SPPL2A: variants seen among roughly 807,000 people sequenced by gnomAD.
SPPL2A encodes the protein signal peptide peptidase-like 2A.
A neutral mutation model predicts 63.8 loss-of-function variants in SPPL2A; 51 were observed. The observed-to-expected ratio is 0.80, with a 90% CI of 0.64 to 1.01. The LOEUF is 1.01. SPPL2A is among the 50% of genes least tolerant of loss of function. SPPL2A has a pLI of 0.00. For synonymous variants in SPPL2A, 188 were observed against 205.8 expected, an observed-to-expected ratio of 0.91 and a Z score of 0.74; for missense variants, 553 against 622.7, an observed-to-expected ratio of 0.89 and a Z score of 1.19.
Position 50,736,631 on chromosome 15 carries a change from A to G in SPPL2A, c.830+13T>C. The G allele has an allele frequency of 7.1e-7, 1 of 1,408,572 alleles. No individual in the cohort carries two copies. Among genetic ancestry groups the G allele is most frequent in the Non-Finnish European group, 9.9e-7 (1 of 1,006,452 alleles). The allele number at this position is 1,408,572 out of a possible 1,614,324, so 87.3% of individuals were successfully genotyped here. A position where few individuals can be genotyped will look rare whatever the true frequency, so the allele number is the denominator to read the frequency against. ...ACACCAACATTATAAGATTTCCTGT[A>G]AGAGATACGTACGTGCATTGTCCAT... On this transcript the variant is annotated intron_variant, in intron 7 of 14. Transcript: ENST00000261854.
chr15:50,742,428 C>A (rs2062829834), intron 5 of SPPL2A, among the ~76,000 whole-genome samples: 1 of 152,004 alleles, frequency 6.6e-6, no homozygotes, highest in African/African-American at 2.4e-5. Flanking sequence ...GCTGAAAAGT[C>A]TTTCTACAGA....
intron 1 of SPPL2A, among the ~76,000 whole-genome samples, chr15:50,759,820 T>G (rs1210930190): frequency 2.6e-5 from 4 of 152,156 alleles, no homozygotes; most frequent in African/African-American, 9.7e-5. Context: ...TTGGTTCTAG[T>G]CCTATTTTTC....
At chr15:50,756,131 TG>T (rs1038513771) in intron 1 of SPPL2A, among the ~76,000 whole-genome samples, 3 of 151,032 alleles carry the variant, frequency 2.0e-5, no homozygotes, top group African/African-American at 7.3e-5. Context: ...GAGGCCGAGG[TG>T]GGCAGATCAC....
At chr15:50,734,662 C>G (rs2062756565) in intron 8 of SPPL2A, among the ~76,000 whole-genome samples, 1 of 151,930 alleles carries the variant, frequency 6.6e-6, no homozygotes, top group Non-Finnish European at 1.5e-5. Context: ...GTAAAAATAA[C>G]TAAAAGAGTG....
intron 8 of SPPL2A, 68 bp from the exon 9 acceptor site, chr15:50,732,752 T>C (rs2062740572): frequency 1.1e-6 from 1 of 904,834 alleles, no homozygotes; most frequent in Admixed American, 2.1e-5. Context: ...AAGACATAGA[T>C]CACTGAGGTA....
chr15:50,749,373 T>C (rs1448929256), intron 2 of SPPL2A, among the ~76,000 whole-genome samples: 1 of 152,148 alleles, frequency 6.6e-6, no homozygotes, highest in African/African-American at 2.4e-5. Context: ...CTGCAAGCTC[T>C]GCCTCCTGGG....
At chr15:50,764,843 C>T (rs567605881) in intron 1 of SPPL2A, among the ~76,000 whole-genome samples, 1 of 152,076 alleles carries the variant, frequency 6.6e-6, no homozygotes, top group South Asian at 2.1e-4. Flanking sequence ...CTGAAAACCA[C>T]TAAAAGCATT....
chr15:50,710,489 A>G (rs771708178), intron 14 of SPPL2A, among the ~76,000 whole-genome samples: 3 of 152,230 alleles, frequency 2.0e-5, no homozygotes, highest in Non-Finnish European at 4.4e-5. Context: ...CATAAAGAAC[A>G]AAGTTTTAAA....
Position 50,707,565 on chromosome 15 carries a change from C to A in SPPL2A, c.*235G>T. ...TTAGAAAAATATACTGTATATAGTA[C>A]ATCTCGGAAACTACACAGACCATAT... On this transcript the variant is annotated 3_prime_UTR_variant, in exon 15 of 15. Coordinates refer to ENST00000261854, the MANE Select transcript of SPPL2A (RefSeq NM_032802.4). The A allele has an allele frequency of 2.2e-6, 1 of 459,858 alleles. No individual in the cohort carries two copies. Among genetic ancestry groups the A allele is most frequent in the Non-Finnish European group, 3.9e-6 (1 of 258,896 alleles). 28.5% of individuals were successfully genotyped at this position (459,858 alleles called of 1,614,324 possible). A position where few individuals can be genotyped will look rare whatever the true frequency, so the allele number is the denominator to read the frequency against.
intron 7 of SPPL2A, 145 bp from the exon 8 acceptor site, chr15:50,736,347 C>A: frequency 1.6e-6 from 1 of 622,508 alleles, no homozygotes; most frequent in Non-Finnish European, 2.8e-6. Flanking sequence ...ACAAATGAGA[C>A]GTAATAAAAT....
At chr15:50,710,237 C>A (rs1190225514) in intron 14 of SPPL2A, among the ~76,000 whole-genome samples, 1 of 152,066 alleles carries the variant, frequency 6.6e-6, no homozygotes, top group Non-Finnish European at 1.5e-5. Flanking sequence ...GCCCACATAC[C>A]CTAAATTATA....
intron 13 of SPPL2A, 53 bp from the exon 14 acceptor site, chr15:50,720,153 G>GT: frequency 1.4e-6 from 2 of 1,464,640 alleles, no homozygotes; most frequent in Non-Finnish European, 9.2e-7. Context: ...CCAAAGGTGG[G>GT]TTTTTTCCTC....
intron 1 of SPPL2A, among the ~76,000 whole-genome samples, chr15:50,764,250 C>T (rs2063038472): frequency 6.6e-6 from 1 of 152,180 alleles, no homozygotes; most frequent in Non-Finnish European, 1.5e-5. Context: ...CATCTACATA[C>T]TATCTGAATA....
At chr15:50,752,173 C>T (rs144466328) in intron 1 of SPPL2A, among the ~76,000 whole-genome samples, 2 of 152,156 alleles carry the variant, frequency 1.3e-5, no homozygotes, top group East Asian at 3.9e-4. Context: ...CCCCTACCAT[C>T]TTTTAGTATC....
intron 13 of SPPL2A, among the ~76,000 whole-genome samples, chr15:50,720,517 C>CTT (rs750969318): frequency 0.15 from 16,086 of 105,406 alleles, 1,554 homozygotes; most frequent in East Asian, 0.4. Context: ...TTGAACTTTT[C>CTT]TTTTTTTTTT....
intron 1 of SPPL2A, among the ~76,000 whole-genome samples, chr15:50,750,309 G>A (rs1223011880): frequency 6.6e-6 from 1 of 152,024 alleles, no homozygotes; most frequent in African/African-American, 2.4e-5. Flanking sequence ...TCACCATGTT[G>A]GTCAGGCTGG....
intron 1 of SPPL2A, among the ~76,000 whole-genome samples, chr15:50,750,919 G>T (rs564570138): frequency 4.7e-4 from 72 of 152,328 alleles, no homozygotes; most frequent in South Asian, 1.0e-3. Flanking sequence ...TTATTAGATT[G>T]AATCACATGA....
chr15:50,730,686 T>C (rs2062722963), intron 10 of SPPL2A, among the ~76,000 whole-genome samples: 1 of 152,218 alleles, frequency 6.6e-6, no homozygotes, highest in Non-Finnish European at 1.5e-5. Context: ...TTATTGTCTA[T>C]ATTGCCTACA....
chr15:50,702,490 C>G lies in SPPL2A; in HGVS notation c.*5310G>C, dbSNP rs2062483726. ...AGTGTTAAAAAAGAAATTCCACACT[C>G]AAACCAATTATCTGAGAAGTAAAAA... On this transcript the variant is annotated 3_prime_UTR_variant, in exon 15 of 15. Coordinates refer to ENST00000261854, the MANE Select transcript of SPPL2A (RefSeq NM_032802.4). 6.6e-6 allele frequency: 1 copy of G among 152,106 alleles called. No homozygotes were observed. The highest frequency in any genetic ancestry group is 2.4e-5 in the African/African-American group (1 of 41,422). The allele number at this position is 152,106 out of a possible 1,614,324, so 9.4% of individuals were successfully genotyped here.
Sources: allele counts gnomAD v4.1 joint callset (sites outside exome capture counted in the v4.1 genomes callset), GRCh38; gene constraint gnomAD v4.1.1; transcripts MANE v1.5; gene names NCBI Gene and HGNC (gene_info 2026-07-23, HGNC 2026-07-21).